HID1: variants seen among roughly 807,000 people sequenced by gnomAD.
The protein encoded by HID1 is protein HID1.
In HID1, 42 loss-of-function variants were observed where a neutral mutation model predicts 89.7. The observed-to-expected ratio is 0.47, with a 90% CI of 0.37 to 0.61. HID1 has a LOEUF of 0.61. Among genes scored for constraint, HID1 ranks in the 20% least tolerant of loss-of-function variants. HID1 has a pLI of 0.00. For missense variants in HID1, 854 were observed against 1,039.3 expected (o/e 0.82, Z 2.45); for synonymous variants, 442 against 433.8 (o/e 1.02, Z -0.24).
At chr17:74,952,932 C>A (rs1295567718) in intron 16 of HID1, 74 bp downstream of exon 16, 2 of 1,216,526 alleles carry the variant, frequency 1.6e-6, no homozygotes, top group Non-Finnish European at 2.3e-6. Flanking sequence ...CAAGGAGCCC[C>A]AACCCAGCTC....
chr17:74,955,711 C>T lies in HID1; in HGVS notation c.1636+81G>A, dbSNP rs77040019. ...GCAGGCCAGCACCTCCCAGAGGCCA[C>T]CTCCTGGGCTGTGCCCCCCTTATGT... On this transcript the variant is annotated intron_variant, in intron 13 of 18. Coordinates refer to ENST00000425042, the MANE Select transcript of HID1 (RefSeq NM_030630.3). 559 of 1,376,888 alleles carry T rather than the reference C, an allele frequency of 4.1e-4. 3 individuals are homozygous for T. In the East Asian group the frequency reaches 0.013, roughly 33 times the overall value. 85.3% of individuals were successfully genotyped at this position (1,376,888 alleles called of 1,614,324 possible).
Position 74,958,133 on chromosome 17 carries a change from G to A in HID1, c.1471+8C>T. 1 of 1,599,484 alleles carries A rather than the reference G, an allele frequency of 6.3e-7. No individual in the cohort carries two copies. The highest frequency in any genetic ancestry group is 8.5e-7 in the Non-Finnish European group (1 of 1,173,952). On this transcript the variant is annotated splice_region_variant and intron_variant, in intron 12 of 18. Transcript: ENST00000425042. The surrounding 1 kb of genome is among the most constrained non-coding windows in gnomAD (Gnocchi z 5.2). Reference sequence around the variant, plus strand: ...TGAGCGCGGGGAGTGCAAGCTCCGGGCCCCTACCGTTGACCACGATGGTGA... The same window carrying A: ...TGAGCGCGGGGAGTGCAAGCTCCGGACCCCTACCGTTGACCACGATGGTGA...
At chr17:74,956,854 T>C (rs2039398415) in intron 12 of HID1, among the ~76,000 whole-genome samples, 1 of 152,202 alleles carries the variant, frequency 6.6e-6, no homozygotes, top group Non-Finnish European at 1.5e-5. Flanking sequence ...TGTGCAGTCC[T>C]TGCTGGGTGG....
intron 14 of HID1, 27 bp downstream of exon 14, chr17:74,954,111 C>A (rs958036271): frequency 1.9e-6 from 3 of 1,561,056 alleles, no homozygotes; most frequent in Admixed American, 3.8e-5. Flanking sequence ...AGTATCCACA[C>A]TCCTGTCCCA....
At position 74,959,213 on chromosome 17, in the gene HID1, G is replaced by A. The variant is rs574647119; in HGVS notation, c.1009-162C>T. 6.6e-5 allele frequency among the ~76,000 whole-genome samples: 10 copies of A among 151,794 alleles called. No individual in the cohort carries two copies. The highest frequency in any genetic ancestry group is 3.9e-4 in the East Asian group (2 of 5,146). On this transcript the variant is annotated intron_variant, in intron 8 of 18. Coordinates refer to ENST00000425042, the MANE Select transcript of HID1 (RefSeq NM_030630.3). The surrounding 1 kb of genome is among the most constrained non-coding windows in gnomAD (Gnocchi z 4.6). ...CTATCACCCATAGCTGTCCTGGGGC[G>A]ATGCCTCAGGAAGCGGAGTCCCTCA...
Position 74,958,018 on chromosome 17 carries a change from T to C in HID1, c.1471+123A>G, listed in dbSNP as rs1289188385. On this transcript the variant is annotated intron_variant, in intron 12 of 18. Coordinates refer to ENST00000425042, the MANE Select transcript of HID1 (RefSeq NM_030630.3). This position sits in a 1 kb window ranked among gnomAD's most constrained non-coding sequence, Gnocchi z 5.2. ...TTTTTAATGTGGCTACTATGAAGGGTACACAAGCTTGCGTTCTTTCTGTGG... is the reference window on the plus strand; with the variant it reads ...TTTTTAATGTGGCTACTATGAAGGGCACACAAGCTTGCGTTCTTTCTGTGG... 2.6e-6 allele frequency: 2 copies of C among 773,596 alleles called. No homozygotes were observed. Among genetic ancestry groups the C allele is most frequent in the South Asian group, 1.6e-5 (1 of 61,524 alleles). 47.9% of individuals were successfully genotyped at this position (773,596 alleles called of 1,614,324 possible).
rs537713687 is a variant in HID1 at position 74,951,551 on chromosome 17, C to A, written c.*19G>T. The A allele has an allele frequency of 2.0e-5, 32 of 1,605,260 alleles. No individual in the cohort carries two copies. In the East Asian group the frequency reaches 6.7e-4, roughly 34 times the overall value. ...AGGCCCTGCCTTCCCCTAGACTGAG[C>A]CCCTCGTCGGCTTCATCCTCACACC... On this transcript the variant is annotated 3_prime_UTR_variant, in exon 19 of 19. Coordinates refer to ENST00000425042, the MANE Select transcript of HID1 (RefSeq NM_030630.3).
chr17:74,963,212 G>A, intron 3 of HID1, 131 bp from the exon 4 acceptor site: 3 of 624,934 alleles, frequency 4.8e-6, no homozygotes, highest in South Asian at 2.1e-5. Flanking sequence ...GAAGGGACAG[G>A]AAGTGGACTC....
intron 17 of HID1, 38 bp from the exon 18 acceptor site, chr17:74,952,101 T>C (rs1445862722): frequency 2.1e-5 from 33 of 1,550,206 alleles, no homozygotes; most frequent in Non-Finnish European, 2.6e-5. Flanking sequence ...ACTCACGTGG[T>C]CCAGGGGAGC....
chr17:74,954,068 AC>A, intron 14 of HID1, 69 bp downstream of exon 14: 1 of 1,400,292 alleles, frequency 7.1e-7, no homozygotes, highest in Non-Finnish European at 9.9e-7. Context: ...TGGGGGTGAC[AC>A]CCCGAGACCA....
At chr17:74,953,845 G>C (rs1450025085) in intron 14 of HID1, among the ~76,000 whole-genome samples, 194 bp from the exon 15 acceptor site, 1 of 151,912 alleles carries the variant, frequency 6.6e-6, no homozygotes, top group African/African-American at 2.4e-5. Flanking sequence ...CTCGCCCTGA[G>C]GCTCTGCCCC....
At chr17:74,970,372 T>C (rs2039628356) in intron 1 of HID1, among the ~76,000 whole-genome samples, 1 of 152,198 alleles carries the variant, frequency 6.6e-6, no homozygotes, top group Admixed American at 6.5e-5. Context: ...TAGAGGACTG[T>C]GTCACCATGC....
At position 74,958,257 on chromosome 17, in the gene HID1, C is replaced by A; in HGVS notation, c.1393-38G>T. ...GGACAGAGGCACCGTGGGGTCCCCG[C>A]TGCCTCCAGACTCAGCCAAGAGGAC... On this transcript the variant is annotated intron_variant, in intron 11 of 18. Transcript: ENST00000425042. The surrounding 1 kb of genome is among the most constrained non-coding windows in gnomAD (Gnocchi z 5.2). The A allele has an allele frequency of 6.2e-7, 1 of 1,607,938 alleles. No homozygotes were observed. Among genetic ancestry groups the A allele is most frequent in the Non-Finnish European group, 8.5e-7 (1 of 1,177,192 alleles).
rs111775704 is a variant in HID1 at position 74,962,383 on chromosome 17, G to A, written c.505-43C>T. 9,036 of 1,384,750 alleles carry A rather than the reference G, an allele frequency of 6.5e-3. 493 individuals are homozygous for A. In the African/African-American group the frequency reaches 0.11, roughly 17 times the overall value. The allele number at this position is 1,384,750 out of a possible 1,614,324, so 85.8% of individuals were successfully genotyped here. A position where few individuals can be genotyped will look rare whatever the true frequency, so the allele number is the denominator to read the frequency against. The stretch of plus-strand genomic sequence containing the variant: ...AGAAGCCGGGTTAGGGGGTCGAGAG[G>A]TGAACAGCAGCCTGGGTCAGAACCT... On this transcript the variant is annotated intron_variant, in intron 4 of 18. Transcript: ENST00000425042. The surrounding 1 kb of genome is among the most constrained non-coding windows in gnomAD (Gnocchi z 4.3).
rs199676582 is a variant in HID1, at chr17:74,959,954, C to T, written c.952-17G>A. On this transcript the variant is annotated splice_polypyrimidine_tract_variant and intron_variant, in intron 7 of 18. Coordinates refer to ENST00000425042, the MANE Select transcript of HID1 (RefSeq NM_030630.3). The surrounding 1 kb of genome is among the most constrained non-coding windows in gnomAD (Gnocchi z 4.6). ...GCCTGGAGGCTGCCAAGAGGAGAAG[C>T]CCCTGGTGAGCAGGCGTCCTCCCCA... 3.7e-6 allele frequency: 6 copies of T among 1,613,660 alleles called. No homozygotes were observed. The highest frequency in any genetic ancestry group is 5.1e-6 in the Non-Finnish European group (6 of 1,180,016).
chr17:74,964,215 G>T, intron 2 of HID1: 2 of 592,994 alleles, frequency 3.4e-6, no homozygotes, highest in Admixed American at 6.0e-5. Context: ...GTAAACTGGC[G>T]ACCCTGGCAG....
At chr17:74,957,501 TA>T (rs1251089193) in intron 12 of HID1, among the ~76,000 whole-genome samples, 2 of 150,698 alleles carry the variant, frequency 1.3e-5, no homozygotes, top group African/African-American at 4.9e-5. Flanking sequence ...TAAAATAAAA[TA>T]AAATAAATAA....
At position 74,958,711 on chromosome 17, in the gene HID1, G is replaced by A; in HGVS notation, c.1202C>T (p.Pro401Leu). The A allele has an allele frequency of 6.2e-7, 1 of 1,613,066 alleles. No homozygotes were observed. Among genetic ancestry groups the A allele is most frequent in the Non-Finnish European group, 8.5e-7 (1 of 1,179,658 alleles). Residue 401 changes from proline (P) to leucine (L), a missense_variant, in exon 10 of 19, where the codon CCC becomes CTC. Pro to Leu is a moderately conservative substitution (Grantham distance 98). Coordinates refer to ENST00000425042, the MANE Select transcript of HID1 (RefSeq NM_030630.3). The surrounding 1 kb of genome is among the most constrained non-coding windows in gnomAD (Gnocchi z 5.2). ...GGCATCGTTGAGGAAGAAGAGGATG[G>A]GGACAAGGATGTCTAGGACGTCGCT... is the stretch of plus-strand genomic sequence containing the variant. ...KSSDVLDILV[P>L]ILFFLNDARA...
At chr17:74,965,782 T>C (rs2039553275) in intron 1 of HID1, among the ~76,000 whole-genome samples, 1 of 151,424 alleles carries the variant, frequency 6.6e-6, no homozygotes. Flanking sequence ...CCAGGCGTGG[T>C]GGCAGGCGCC....
Sources: allele counts gnomAD v4.1 joint callset (sites outside exome capture counted in the v4.1 genomes callset), GRCh38; gene constraint gnomAD v4.1.1; non-coding constraint Gnocchi (gnomAD v3.1); transcripts MANE v1.5; gene names NCBI Gene and HGNC (gene_info 2026-07-23, HGNC 2026-07-21).